Variants in VAV3 observed in about 807,000 individuals in gnomAD.
VAV3 encodes guanine nucleotide exchange factor VAV3.
In VAV3, 94 loss-of-function variants were observed where a neutral mutation model predicts 131.2. The observed-to-expected ratio is 0.72, with a 90% CI of 0.61 to 0.85. The LOEUF is 0.85. Ranked by LOEUF, VAV3 falls within the 40% of genes least tolerant of loss-of-function variation. The pLI is 0.00. For missense variants in VAV3, 939 were observed against 1,002.7 expected (o/e 0.94, Z 0.86); for synonymous variants, 349 against 342.0 (o/e 1.02, Z -0.22).
At chr1:107,764,094 C>A (rs12730996) in intron 9 of VAV3, among the ~76,000 whole-genome samples, 2 of 148,592 alleles carry the variant, frequency 1.3e-5, no homozygotes, top group African/African-American at 2.5e-5. Context: ...AAACAAAAAA[C>A]AAAAAACAAA....
At chr1:107,848,786 C>G (rs1327480886) in intron 2 of VAV3, among the ~76,000 whole-genome samples, 1 of 152,182 alleles carries the variant, frequency 6.6e-6, no homozygotes, top group African/African-American at 2.4e-5. Context: ...GTCAAATTGT[C>G]TCTGTTTGCA....
intron 23 of VAV3, among the ~76,000 whole-genome samples, chr1:107,602,751 A>C (rs1651962734): frequency 6.6e-6 from 1 of 152,184 alleles, no homozygotes; most frequent in Non-Finnish European, 1.5e-5. Flanking sequence ...GAATACAGAA[A>C]AATAAGACAA....
In VAV3 at chr1:107,728,767, T is replaced by C. The variant is rs951357855; in HGVS notation, c.1502+20201A>G. 2.0e-5 allele frequency among the ~76,000 whole-genome samples: 3 copies of C among 152,090 alleles called. No homozygotes were observed. In the South Asian group the frequency reaches 6.2e-4, roughly 32 times the overall value. ...CAAAAAGACTGCTTAGCTAATATAA[T>C]CTGATACAAAAGTGTTTGCAAGACA... is the stretch of plus-strand genomic sequence containing the variant. On this transcript the variant is annotated intron_variant, in intron 15 of 26. Transcript: ENST00000370056.
intron 18 of VAV3, among the ~76,000 whole-genome samples, chr1:107,686,799 T>C (rs2101759125): frequency 6.6e-6 from 1 of 152,238 alleles, no homozygotes; most frequent in East Asian, 1.9e-4. Context: ...AGTATAAAAG[T>C]GCCTGTGAGA....
chr1:107,584,009 C>T (rs1382486646), intron 25 of VAV3, among the ~76,000 whole-genome samples: 3 of 152,228 alleles, frequency 2.0e-5, no homozygotes, highest in Non-Finnish European at 2.9e-5. Context: ...TCAAACTATA[C>T]TACAAGGCTA....
At chr1:107,911,214 A>T (rs534598367) in intron 1 of VAV3, among the ~76,000 whole-genome samples, 281 of 152,376 alleles carry the variant, frequency 1.8e-3, no homozygotes, top group African/African-American at 6.6e-3. Context: ...GAAAATACAA[A>T]GAAGCATAAA....
At chr1:107,574,963 C>CTCTCTGTGTG (rs1304869776) in intron 25 of VAV3, among the ~76,000 whole-genome samples, 7 of 81,174 alleles carry the variant, frequency 8.6e-5, no homozygotes, top group African/African-American at 3.1e-4. Context: ...TTGAGTTTCT[C>CTCTCTGTGTG]TGTGTGTGTG....
intron 2 of VAV3, among the ~76,000 whole-genome samples, chr1:107,791,062 G>C (rs1162938160): frequency 6.6e-6 from 1 of 151,976 alleles, no homozygotes; most frequent in Non-Finnish European, 1.5e-5. Context: ...TCTATACATC[G>C]ATAGTCTCAC....
intron 19 of VAV3, among the ~76,000 whole-genome samples, chr1:107,672,622 C>T (rs1028352892): frequency 3.3e-5 from 5 of 151,860 alleles, no homozygotes; most frequent in African/African-American, 1.2e-4. Flanking sequence ...AAAATATTTT[C>T]GATAAATGTA....
In VAV3 at chr1:107,779,512, C is replaced by T; in HGVS notation, c.322-20G>A. The T allele has an allele frequency of 6.4e-7, 1 of 1,562,452 alleles. No individual in the cohort carries two copies. The highest frequency in any genetic ancestry group is 1.2e-5 in the South Asian group (1 of 81,156). ...TATAACCTGAGAAAAGAGGAAAATA[C>T]TAATTAGATATGTAGTTCAGAAAAT... On this transcript the variant is annotated intron_variant, in intron 2 of 26. Transcript: ENST00000370056.
Position 107,581,000 on chromosome 1 carries a change from A to G in VAV3, c.2351-6802T>C, listed in dbSNP as rs139244575. ...AAAGGGCCCAGTAACAGTGACATTT[A>G]AATGGGAACGTTGAGGTGGTTATCA... On this transcript the variant is annotated intron_variant, in intron 25 of 26. Coordinates refer to ENST00000370056, the MANE Select transcript of VAV3 (RefSeq NM_006113.5). Among the ~76,000 whole-genome samples, 843 of 152,276 alleles carry G rather than the reference A, an allele frequency of 5.5e-3. 5 individuals are homozygous for G. The highest frequency in any genetic ancestry group is 0.01 in the Non-Finnish European group (707 of 68,008).
At chr1:107,858,751 G>T (rs1232606246) in intron 2 of VAV3, among the ~76,000 whole-genome samples, 1 of 152,188 alleles carries the variant, frequency 6.6e-6, no homozygotes, top group Non-Finnish European at 1.5e-5. Flanking sequence ...TACCTAAAAG[G>T]TTGGGGACTG....
chr1:107,588,737 G>A (rs568566164), intron 25 of VAV3, among the ~76,000 whole-genome samples: 1 of 152,264 alleles, frequency 6.6e-6, no homozygotes, highest in East Asian at 1.9e-4. Flanking sequence ...CTTCTCACAG[G>A]GCTAGAGATT....
At chr1:107,796,804 A>AT (rs750759596) in intron 2 of VAV3, among the ~76,000 whole-genome samples, 8,625 of 144,334 alleles carry the variant, frequency 0.06, 268 homozygotes, top group Middle Eastern at 0.11. Context: ...AAAAAAAAAA[A>AT]ATATATATAT....
intron 19 of VAV3, among the ~76,000 whole-genome samples, chr1:107,648,278 T>G (rs571191867): frequency 1.3e-5 from 2 of 152,022 alleles, no homozygotes; most frequent in African/African-American, 4.8e-5. Flanking sequence ...AGTCACTCTT[T>G]GGCACTGTCT....
chr1:107,673,547 A>G (rs962248121), intron 19 of VAV3: 3 of 152,202 alleles, frequency 2.0e-5, no homozygotes, highest in African/African-American at 7.2e-5. Flanking sequence ...GCCTCTTTTA[A>G]GTATACCCTC....
intron 2 of VAV3, among the ~76,000 whole-genome samples, chr1:107,838,397 A>G (rs901268970): frequency 2.0e-5 from 3 of 152,214 alleles, no homozygotes; most frequent in African/African-American, 7.2e-5. Context: ...CCAGAATGAG[A>G]TACAAACTCA....
intron 1 of VAV3, among the ~76,000 whole-genome samples, chr1:107,879,533 T>C (rs1670663332): frequency 6.6e-6 from 1 of 152,188 alleles, no homozygotes; most frequent in Admixed American, 6.5e-5. Flanking sequence ...ATAGGGTGTT[T>C]TGGCACAACA....
intron 2 of VAV3, among the ~76,000 whole-genome samples, chr1:107,787,473 G>A (rs1445001997): frequency 2.0e-5 from 3 of 152,168 alleles, no homozygotes; most frequent in African/African-American, 7.2e-5. Flanking sequence ...CGTGGGCAGA[G>A]GGAGCTAGAG....
Sources: allele counts gnomAD v4.1 joint callset (sites outside exome capture counted in the v4.1 genomes callset), GRCh38; gene constraint gnomAD v4.1.1; transcripts MANE v1.5; gene names NCBI Gene and HGNC (gene_info 2026-07-23, HGNC 2026-07-21).